MEGF10: variants seen among roughly 807,000 people sequenced by gnomAD.
MEGF10 encodes multiple epidermal growth factor-like domains protein 10.
MEGF10 carries 86 observed loss-of-function variants against 147.5 expected under a neutral mutation model. The observed-to-expected ratio is 0.58, with a 90% CI of 0.49 to 0.70. The LOEUF (loss-of-function observed/expected upper bound fraction) is 0.70, where lower values mean the gene tolerates loss of function less well. Ranked by LOEUF, MEGF10 falls within the 30% of genes least tolerant of loss-of-function variation. The pLI, the probability that MEGF10 is intolerant of heterozygous loss-of-function variation, is 0.00. For synonymous variants in MEGF10, 478 were observed against 525.5 expected (o/e 0.91, Z 1.24); for missense variants, 1,329 against 1,487.3 (o/e 0.89, Z 1.75).
the MEGF10 span, among the ~76,000 whole-genome samples, chr5:127,284,304 T>C: frequency 6.6e-6 from 1 of 152,226 alleles, no homozygotes; most frequent in Non-Finnish European, 1.5e-5. Flanking sequence ...ACATGACCTC[T>C]TCCAATCTTG....
the MEGF10 span, among the ~76,000 whole-genome samples, chr5:127,247,413 GAA>G: frequency 5.5e-5 from 4 of 73,196 alleles, no homozygotes; most frequent in Non-Finnish European, 7.9e-5. Context: ...AGAAGAAGAA[GAA>G]GAAGAAGAAG....
chr5:127,445,162 G>A lies in MEGF10; in HGVS notation c.2492-295G>A, dbSNP rs1470837657. ...GGCCAGGCTGGTCTCTAACTGCTAG[G>A]CTAGATCAGTTCTCCCGCCTCAGTC... On this transcript the variant is annotated intron_variant, in intron 19 of 24. Transcript: ENST00000503335. The A allele has an allele frequency of 7.7e-6, 3 of 389,452 alleles. No individual in the cohort carries two copies. The East Asian group carries it at 1.6e-4, about 21-fold the overall frequency. 24.1% of individuals were successfully genotyped at this position (389,452 alleles called of 1,614,324 possible).
intron 20 of MEGF10, among the ~76,000 whole-genome samples, chr5:127,446,554 A>G (rs567126902): frequency 6.6e-6 from 1 of 152,356 alleles, no homozygotes; most frequent in Middle Eastern, 3.4e-3. Flanking sequence ...TACTGTGAAC[A>G]AAAGTTCTCT....
chr5:127,443,943 G>A (rs1765845722), intron 19 of MEGF10, among the ~76,000 whole-genome samples: 1 of 152,130 alleles, frequency 6.6e-6, no homozygotes, highest in Non-Finnish European at 1.5e-5. Flanking sequence ...ATTTCTCTTG[G>A]GTAAATACCT....
chr5:127,250,560 G>A, the MEGF10 span, among the ~76,000 whole-genome samples: 1 of 152,010 alleles, frequency 6.6e-6, no homozygotes, highest in Non-Finnish European at 1.5e-5. Flanking sequence ...CACCATGTGT[G>A]ATGTAAATCA....
At chr5:127,267,809 C>G in the MEGF10 span, among the ~76,000 whole-genome samples, 3 of 152,048 alleles carry the variant, frequency 2.0e-5, no homozygotes, top group African/African-American at 7.2e-5. Flanking sequence ...TGATTCTTCT[C>G]TCTTTTCTTC....
the MEGF10 span, among the ~76,000 whole-genome samples, chr5:127,268,076 T>G: frequency 1.1e-4 from 16 of 152,254 alleles, no homozygotes; most frequent in Non-Finnish European, 2.2e-4. Flanking sequence ...AATTTCCCTC[T>G]ACACACTACT....
the MEGF10 span, among the ~76,000 whole-genome samples, chr5:127,247,464 G>GAAGAAGAAGAAGAAGAAGAAGAA: frequency 3.6e-5 from 5 of 138,940 alleles, 1 homozygote; most frequent in East Asian, 6.3e-4. Context: ...AGAAGAAGAA[G>GAAGAAGAAGAAGAAGAAGAAGAA]AAGAAGAAGA....
At chr5:127,336,614 G>A (rs1761480872) in intron 2 of MEGF10, among the ~76,000 whole-genome samples, 1 of 152,032 alleles carries the variant, frequency 6.6e-6, no homozygotes, top group Non-Finnish European at 1.5e-5. Context: ...AAATAGAACT[G>A]GCCAGGATGC....
At chr5:127,385,805 C>A (rs1763405488) in intron 5 of MEGF10, among the ~76,000 whole-genome samples, 1 of 152,110 alleles carries the variant, frequency 6.6e-6, no homozygotes, top group Non-Finnish European at 1.5e-5. Context: ...TTTAAAACAA[C>A]AACAATAACA....
chr5:127,298,667 T>G (rs1759625988), intron 1 of MEGF10, among the ~76,000 whole-genome samples: 1 of 152,098 alleles, frequency 6.6e-6, no homozygotes, highest in African/African-American at 2.4e-5. Flanking sequence ...AGGCATGCCT[T>G]TTTTGTGTGT....
chr5:127,274,344 A>G, the MEGF10 span, among the ~76,000 whole-genome samples: 1 of 152,206 alleles, frequency 6.6e-6, no homozygotes, highest in African/African-American at 2.4e-5. Context: ...AAATGGACTA[A>G]TAGATATTAG....
At chr5:127,306,351 G>C (rs1370989789) in intron 1 of MEGF10, among the ~76,000 whole-genome samples, 1 of 152,152 alleles carries the variant, frequency 6.6e-6, no homozygotes, top group Non-Finnish European at 1.5e-5. Flanking sequence ...CAAAGTGTTA[G>C]TGAGTGAAGA....
At chr5:127,426,307 T>C (rs1002279712) in intron 13 of MEGF10, among the ~76,000 whole-genome samples, 3 of 152,202 alleles carry the variant, frequency 2.0e-5, no homozygotes, top group African/African-American at 7.2e-5. Context: ...TACCTAGTCA[T>C]AAAATAAGTC....
rs1014290928 is a variant in MEGF10, at chr5:127,297,273, C to T, written c.-19+6217C>T. On this transcript the variant is annotated intron_variant, in intron 1 of 24. Coordinates refer to ENST00000503335, the MANE Select transcript of MEGF10 (RefSeq NM_001256545.2). ...TGAGCCACTGCACCTGGCTGTTTAT[C>T]AGATATTTATTAGCTGTGTAGGGCA... Among the ~76,000 whole-genome samples the T allele has an allele frequency of 3.3e-5, 5 of 152,238 alleles. No individual in the cohort carries two copies. In the East Asian group the frequency reaches 5.8e-4, roughly 18 times the overall value.
chr5:127,340,401 CT>C (rs1464577857), intron 3 of MEGF10, 128 bp from the exon 4 acceptor site: 2 of 595,834 alleles, frequency 3.4e-6, no homozygotes, highest in Non-Finnish European at 5.8e-6. Flanking sequence ...TTAATATCTT[CT>C]TAGCAAATTG....
intron 5 of MEGF10, among the ~76,000 whole-genome samples, chr5:127,370,461 T>G (rs1000066388): frequency 2.6e-5 from 4 of 152,230 alleles, no homozygotes; most frequent in African/African-American, 9.6e-5. Context: ...CATATCTTTT[T>G]GTCTCTGAAT....
chr5:127,396,941 A>T (rs953808070), intron 6 of MEGF10, among the ~76,000 whole-genome samples, 163 bp downstream of exon 6: 18 of 152,168 alleles, frequency 1.2e-4, no homozygotes, highest in African/African-American at 4.3e-4. Flanking sequence ...AGTGATGGCC[A>T]CTAGGTGCTG....
At chr5:127,450,798 G>C (rs770875336) in intron 22 of MEGF10, among the ~76,000 whole-genome samples, 3 of 151,874 alleles carry the variant, frequency 2.0e-5, no homozygotes, top group African/African-American at 7.3e-5. Flanking sequence ...TCGCTCTGTC[G>C]TCTAGGCTGT....
Sources: gnomAD v4.1 joint callset for allele counts (sites outside exome capture counted in the v4.1 genomes callset) on GRCh38, gnomAD v4.1.1 for gene constraint, MANE v1.5 for transcripts, NCBI Gene and HGNC (gene_info 2026-07-23, HGNC 2026-07-21) for gene names.